Variants in PPM1E observed in about 807,000 individuals in gnomAD.
PPM1E encodes protein phosphatase 1E.
In PPM1E, 20 loss-of-function variants were observed where a neutral mutation model predicts 65.9. The observed-to-expected ratio is 0.30, with a 90% CI of 0.21 to 0.44. The LOEUF is 0.44. Among genes scored for constraint, PPM1E ranks in the 20% least tolerant of loss-of-function variants. The probability of loss-of-function intolerance (pLI) is 1.00; values close to 1 mark genes in which losing one functional copy is unlikely to be tolerated. For missense variants in PPM1E, 713 were observed against 953.1 expected (o/e 0.75, Z 3.32); for synonymous variants, 352 against 374.9 (o/e 0.94, Z 0.70).
chr17:58,778,240 C>T (rs1462621515), intron 1 of PPM1E, among the ~76,000 whole-genome samples: 2 of 152,008 alleles, frequency 1.3e-5, no homozygotes, highest in Non-Finnish European at 2.9e-5. Context: ...GCTGGAATTA[C>T]AGGCGTGTGC....
Position 58,976,645 on chromosome 17 carries a change from G to C in PPM1E, c.1211-3329G>C, listed in dbSNP as rs376754369. Among the ~76,000 whole-genome samples the C allele has an allele frequency of 3.5e-4, 53 of 152,314 alleles. 1 individual carries two copies. In the East Asian group the frequency reaches 0.01, roughly 29 times the overall value. ...GAGAAGAGGTTGAAGACAAAAGGAT[G>C]TTGCCATTTCTACGATGAAATGGAT... is the stretch of plus-strand genomic sequence containing the variant. On this transcript the variant is annotated intron_variant, in intron 6 of 6. Coordinates refer to ENST00000308249, the MANE Select transcript of PPM1E (RefSeq NM_014906.5).
intron 1 of PPM1E, among the ~76,000 whole-genome samples, chr17:58,907,713 G>A (rs1233070332): frequency 1.3e-5 from 2 of 152,066 alleles, no homozygotes; most frequent in Non-Finnish European, 2.9e-5. Context: ...ATTTTCTTGG[G>A]GAATTGACTC....
chr17:58,949,995 C>T (rs1407569905), intron 1 of PPM1E, among the ~76,000 whole-genome samples: 1 of 152,068 alleles, frequency 6.6e-6, no homozygotes, highest in African/African-American at 2.4e-5. Flanking sequence ...ATGGAGATTC[C>T]CTTATATATG....
At chr17:58,927,725 A>G (rs1367652877) in intron 1 of PPM1E, among the ~76,000 whole-genome samples, 1 of 151,874 alleles carries the variant, frequency 6.6e-6, no homozygotes, top group African/African-American at 2.4e-5. Context: ...TGGGCAACAA[A>G]GTGAGAACCT....
chr17:58,870,031 C>T (rs2051052219), intron 1 of PPM1E, among the ~76,000 whole-genome samples: 1 of 152,098 alleles, frequency 6.6e-6, no homozygotes, highest in Middle Eastern at 3.2e-3. Flanking sequence ...TTAAGTTCTA[C>T]CTTTGAGCAT....
At chr17:58,784,807 G>A (rs1296041492) in intron 1 of PPM1E, among the ~76,000 whole-genome samples, 1 of 152,148 alleles carries the variant, frequency 6.6e-6, no homozygotes, top group East Asian at 1.9e-4. Context: ...ACAGGCATGA[G>A]CCACCATGCC....
rs561963672 is a variant in PPM1E, at chr17:58,857,897, A to G, written c.465-97752A>G. Among the ~76,000 whole-genome samples the G allele has an allele frequency of 4.1e-4, 62 of 152,236 alleles. 1 individual carries two copies. Among genetic ancestry groups the G allele is most frequent in the African/African-American group, 1.2e-3 (49 of 41,580 alleles). On this transcript the variant is annotated intron_variant, in intron 1 of 6. Coordinates refer to ENST00000308249, the MANE Select transcript of PPM1E (RefSeq NM_014906.5). ...GATAATATAGGTAAAATTCCGTCCA[A>G]TGTGTTTACTGTAAACTGCTACTCC...
At chr17:58,837,936 A>G (rs955492248) in intron 1 of PPM1E, among the ~76,000 whole-genome samples, 11 of 152,236 alleles carry the variant, frequency 7.2e-5, no homozygotes, top group African/African-American at 2.7e-4. Flanking sequence ...AGACTGTCCC[A>G]GAGAAGGTGA....
At chr17:58,959,921 T>A (rs962880712) in intron 2 of PPM1E, among the ~76,000 whole-genome samples, 6 of 152,204 alleles carry the variant, frequency 3.9e-5, no homozygotes, top group African/African-American at 1.4e-4. Flanking sequence ...TAAAATTTAA[T>A]ATCATTCCTA....
chr17:58,816,741 AATATATATATATATATATATAT>A (rs67568496), intron 1 of PPM1E, among the ~76,000 whole-genome samples: 1,112 of 85,206 alleles, frequency 0.013, 75 homozygotes, highest in African/African-American at 0.042. Flanking sequence ...TCAGAATATA[AATATATATATATATATATATAT>A]ATATATATAT....
At chr17:58,775,554 T>C (rs936517179) in intron 1 of PPM1E, among the ~76,000 whole-genome samples, 2 of 152,178 alleles carry the variant, frequency 1.3e-5, no homozygotes, top group African/African-American at 4.8e-5. Context: ...AAACAATATC[T>C]TTTAAAAATT....
intron 1 of PPM1E, among the ~76,000 whole-genome samples, chr17:58,801,033 T>C (rs1352406817): frequency 6.6e-6 from 1 of 152,198 alleles, no homozygotes; most frequent in Non-Finnish European, 1.5e-5. Flanking sequence ...ACATACCCTA[T>C]ATTATTTTGA....
At chr17:58,889,459 C>T (rs1484319980) in intron 1 of PPM1E, among the ~76,000 whole-genome samples, 2 of 152,070 alleles carry the variant, frequency 1.3e-5, no homozygotes, top group African/African-American at 4.8e-5. Flanking sequence ...AATAACTGGG[C>T]GTGGTGGCAC....
At chr17:58,777,711 A>G (rs2050007398) in intron 1 of PPM1E, among the ~76,000 whole-genome samples, 1 of 152,178 alleles carries the variant, frequency 6.6e-6, no homozygotes, top group African/African-American at 2.4e-5. Context: ...AAATAAACAG[A>G]ATTTTACCTT....
At chr17:58,891,832 C>A (rs201539726) in intron 1 of PPM1E, among the ~76,000 whole-genome samples, 8 of 85,456 alleles carry the variant, frequency 9.4e-5, no homozygotes, top group Admixed American at 3.0e-4. Flanking sequence ...TTTTCTTTTT[C>A]TTTTTTTTTT....
chr17:58,853,062 C>T (rs2050844544), intron 1 of PPM1E, among the ~76,000 whole-genome samples: 1 of 152,140 alleles, frequency 6.6e-6, no homozygotes, highest in Non-Finnish European at 1.5e-5. Flanking sequence ...TCTTTCTACT[C>T]TGTTGATAGT....
At chr17:58,817,064 G>A (rs1003339457) in intron 1 of PPM1E, among the ~76,000 whole-genome samples, 6 of 151,970 alleles carry the variant, frequency 3.9e-5, no homozygotes, top group Admixed American at 6.6e-5. Context: ...AAAGTGCTGG[G>A]ATTATAGGTG....
intron 1 of PPM1E, among the ~76,000 whole-genome samples, chr17:58,812,701 A>C (rs2050381037): frequency 1.3e-5 from 2 of 151,992 alleles, no homozygotes; most frequent in Admixed American, 1.3e-4. Flanking sequence ...TTACAGGCAC[A>C]CACCACCATG....
chr17:58,808,528 G>A (rs538482406), intron 1 of PPM1E, among the ~76,000 whole-genome samples: 47 of 151,784 alleles, frequency 3.1e-4, no homozygotes, highest in Middle Eastern at 3.4e-3. Flanking sequence ...TTATGTGTAC[G>A]TGTGTCTGTG....
Sources: allele counts gnomAD v4.1 joint callset (sites outside exome capture counted in the v4.1 genomes callset), GRCh38; gene constraint gnomAD v4.1.1; transcripts MANE v1.5; gene names NCBI Gene and HGNC (gene_info 2026-07-23, HGNC 2026-07-21).